EIF4G3: variants seen among roughly 807,000 people sequenced by gnomAD.
EIF4G3 encodes the protein eIF-4-gamma 3.
EIF4G3 carries 34 observed loss-of-function variants against 186.4 expected under a neutral mutation model. The ratio of observed to expected loss-of-function variants is 0.18; its 90% CI spans 0.14 to 0.24. EIF4G3 has a LOEUF of 0.24. EIF4G3 is among the 10% of genes least tolerant of loss of function. The pLI, the probability that EIF4G3 is intolerant of heterozygous loss-of-function variation, is 1.00. For missense variants in EIF4G3, 1,536 were observed against 1,948.5 expected (o/e 0.79, Z 3.99); for synonymous variants, 673 against 679.5 (o/e 0.99, Z 0.15).
chr1:21,174,997 A>C (rs2098073365), intron 2 of EIF4G3: 1 of 152,226 alleles, frequency 6.6e-6, no homozygotes, highest in Non-Finnish European at 1.5e-5. Flanking sequence ...CAAGAATCAA[A>C]CTACAGACTG....
chr1:20,989,653 G>A (rs2154567716), intron 7 of EIF4G3, among the ~76,000 whole-genome samples: 1 of 151,064 alleles, frequency 6.6e-6, no homozygotes, highest in Non-Finnish European at 1.5e-5. Context: ...ATGAGGACTG[G>A]CTTCATATGG....
intron 3 of EIF4G3, among the ~76,000 whole-genome samples, chr1:21,077,708 C>G (rs1174551407): frequency 1.3e-5 from 2 of 151,600 alleles, no homozygotes; most frequent in African/African-American, 4.8e-5. Flanking sequence ...TGGAGAAACC[C>G]CATCTCTACG....
intron 4 of EIF4G3, among the ~76,000 whole-genome samples, chr1:21,015,066 T>C (rs1218833189): frequency 1.5e-5 from 2 of 129,178 alleles, no homozygotes; most frequent in South Asian, 2.8e-4. Flanking sequence ...GAGATAGAAA[T>C]AGTTTAAAAA....
intron 14 of EIF4G3, among the ~76,000 whole-genome samples, chr1:20,917,137 T>C (rs189354538): frequency 6.6e-6 from 1 of 152,276 alleles, no homozygotes; most frequent in Non-Finnish European, 1.5e-5. Context: ...GGCAAATCCA[T>C]ACTCGGCAAT....
intron 19 of EIF4G3, 43 bp downstream of exon 19, chr1:20,886,158 A>G (rs778075428): frequency 6.4e-7 from 1 of 1,563,332 alleles, no homozygotes; most frequent in Non-Finnish European, 8.7e-7. Context: ...AAACAAAATC[A>G]ATATAATTTC....
At chr1:20,869,978 CTG>C (rs2078745519) in intron 20 of EIF4G3, among the ~76,000 whole-genome samples, 1 of 152,068 alleles carries the variant, frequency 6.6e-6, no homozygotes, top group Admixed American at 6.6e-5. Flanking sequence ...AAATGGATCT[CTG>C]TTAGATATAC....
At chr1:20,860,561 A>T (rs758066868) in intron 23 of EIF4G3, 44 bp from the exon 24 acceptor site, 1 of 1,580,480 alleles carries the variant, frequency 6.3e-7, no homozygotes, top group Admixed American at 1.9e-5. Context: ...TAAACTGAAC[A>T]TTTTTTAAAA....
rs2096026167 is a variant in EIF4G3 at position 21,087,486 on chromosome 1, G to A, written c.-196+1652C>T. 1.3e-5 allele frequency among the ~76,000 whole-genome samples: 2 copies of A among 152,054 alleles called. 1 individual carries two copies. Among genetic ancestry groups the A allele is most frequent in the South Asian group, 4.1e-4 (2 of 4,826 alleles). On this transcript the variant is annotated intron_variant, in intron 3 of 36. Coordinates refer to ENST00000602326, the MANE Select transcript of EIF4G3 (RefSeq NM_001391906.1). The stretch of plus-strand genomic sequence containing the variant: ...TTATTTTCCCTTCATTTATGAATTT[G>A]AATCATCTAATATAAAAAATTAAAT...
intron 16 of EIF4G3, among the ~76,000 whole-genome samples, chr1:20,898,918 C>T (rs541801056): frequency 1.1e-4 from 16 of 152,222 alleles, no homozygotes; most frequent in South Asian, 4.1e-4. Context: ...TTAGTCGAGA[C>T]GGGGTTTCTC....
intron 14 of EIF4G3, among the ~76,000 whole-genome samples, chr1:20,907,402 T>C (rs1013703664): frequency 3.9e-5 from 6 of 152,124 alleles, no homozygotes; most frequent in Non-Finnish European, 7.3e-5. Flanking sequence ...AATTTTATTA[T>C]TATTATACTT....
At chr1:20,982,445 A>G in intron 7 of EIF4G3, 37 bp from the exon 8 acceptor site, 1 of 1,515,734 alleles carries the variant, frequency 6.6e-7, no homozygotes, top group Non-Finnish European at 8.8e-7. Flanking sequence ...AGGAAACAGA[A>G]AGAAAGCCAA....
At chr1:21,159,596 C>T (rs767702734) in intron 2 of EIF4G3, among the ~76,000 whole-genome samples, 41 of 151,750 alleles carry the variant, frequency 2.7e-4, no homozygotes, top group Non-Finnish European at 5.1e-4. Context: ...AAAAATTAGC[C>T]AAGCGTGGTG....
intron 24 of EIF4G3, among the ~76,000 whole-genome samples, chr1:20,857,864 T>C (rs1441061122): frequency 3.3e-5 from 5 of 152,230 alleles, no homozygotes; most frequent in African/African-American, 4.8e-5. Context: ...TTCTAAAGTA[T>C]ATTGTATTTA....
intron 2 of EIF4G3, among the ~76,000 whole-genome samples, chr1:21,126,122 G>A (rs1383057247): frequency 6.6e-6 from 1 of 151,586 alleles, no homozygotes; most frequent in Non-Finnish European, 1.5e-5. Flanking sequence ...CAGGAGGATT[G>A]CTTGAGCCCA....
chr1:21,072,924 T>C lies in EIF4G3; in HGVS notation c.-196+16214A>G, dbSNP rs1332319862. 2.0e-5 allele frequency among the ~76,000 whole-genome samples: 3 copies of C among 152,142 alleles called. No individual in the cohort carries two copies. The East Asian group carries it at 5.8e-4, about 29-fold the overall frequency. On this transcript the variant is annotated intron_variant, in intron 3 of 36. Transcript: ENST00000602326. ...TCAAGCTCTAGGAGGTTTAAATGGA[T>C]TTGTCTCATTTAACCTTCTTAAGAA...
intron 2 of EIF4G3, among the ~76,000 whole-genome samples, chr1:21,099,760 A>G (rs537105940): frequency 6.6e-6 from 1 of 152,344 alleles, no homozygotes; most frequent in Non-Finnish European, 1.5e-5. Flanking sequence ...TACAAAAACC[A>G]TTCATTTTTC....
At chr1:20,837,681 A>G (rs1457910648) in intron 30 of EIF4G3, among the ~76,000 whole-genome samples, 1 of 152,216 alleles carries the variant, frequency 6.6e-6, no homozygotes, top group African/African-American at 2.4e-5. Flanking sequence ...GGTTAAGAAT[A>G]AAGAAGCAAA....
chr1:21,172,611 C>A (rs747188661), intron 2 of EIF4G3, among the ~76,000 whole-genome samples: 2 of 152,182 alleles, frequency 1.3e-5, no homozygotes, highest in South Asian at 4.1e-4. Context: ...TGCAGTAGAG[C>A]GATCTCGGCT....
chr1:21,158,928 G>A (rs1208333783), intron 2 of EIF4G3, among the ~76,000 whole-genome samples: 1 of 151,686 alleles, frequency 6.6e-6, no homozygotes, highest in African/African-American at 2.4e-5. Flanking sequence ...CACTAGATCT[G>A]CAGGTCCTAG....
Sources: allele counts gnomAD v4.1 joint callset (sites outside exome capture counted in the v4.1 genomes callset), GRCh38; gene constraint gnomAD v4.1.1; transcripts MANE v1.5; gene names NCBI Gene and HGNC (gene_info 2026-07-23, HGNC 2026-07-21).